The following PPP4R3B variants were observed in gnomAD, a reference collection of about 807,000 sequenced individuals.
PPP4R3B encodes protein phosphatase 4 regulatory subunit 3B.
In PPP4R3B, 52 loss-of-function variants were observed where a neutral mutation model predicts 95.4. The ratio of observed to expected loss-of-function variants is 0.54; its 90% CI spans 0.44 to 0.69. PPP4R3B has a LOEUF of 0.69. Among genes scored for constraint, PPP4R3B ranks in the 30% least tolerant of loss-of-function variants. The pLI is 0.00. For synonymous variants in PPP4R3B, 407 were observed against 343.9 expected, an observed-to-expected ratio of 1.18 and a Z score of -2.03; for missense variants, 1,003 against 1,005.9, an observed-to-expected ratio of 1.00 and a Z score of 0.04.
chr2:55,592,696 T>G (rs1691203697), intron 4 of PPP4R3B, among the ~76,000 whole-genome samples: 1 of 152,162 alleles, frequency 6.6e-6, no homozygotes, highest in African/African-American at 2.4e-5. Context: ...ACCTATGGAA[T>G]AGCAGAAATA....
rs1006173248 is a variant in PPP4R3B at position 55,607,832 on chromosome 2, G to A, written c.199-3756C>T. 2.0e-5 allele frequency among the ~76,000 whole-genome samples: 3 copies of A among 152,152 alleles called. No homozygotes were observed. In the South Asian group the frequency reaches 6.2e-4, roughly 32 times the overall value. ...TATAGATAGTACTATCTACAGTCAGGTCAATGGATATTACTAACAGAATGA... is the reference window on the plus strand; with the variant it reads ...TATAGATAGTACTATCTACAGTCAGATCAATGGATATTACTAACAGAATGA... On this transcript the variant is annotated intron_variant, in intron 2 of 16. Transcript: ENST00000616407.
chr2:55,561,645 T>A, intron 15 of PPP4R3B, among the ~76,000 whole-genome samples: 1 of 152,140 alleles, frequency 6.6e-6, no homozygotes. Context: ...AAACATGGAG[T>A]CAAAGGAGAT....
At chr2:55,594,641 G>T (rs1559023315) in intron 4 of PPP4R3B, among the ~76,000 whole-genome samples, 1 of 152,156 alleles carries the variant, frequency 6.6e-6, no homozygotes, top group Non-Finnish European at 1.5e-5. Flanking sequence ...TCATTTGAAA[G>T]CTACATATGA....
At chr2:55,578,626 A>G (rs916356874) in intron 9 of PPP4R3B, among the ~76,000 whole-genome samples, 1 of 152,078 alleles carries the variant, frequency 6.6e-6, no homozygotes, top group Non-Finnish European at 1.5e-5. Flanking sequence ...TGAAAAAAAC[A>G]TATTTTATTC....
At chr2:55,567,241 T>C (rs1283361757) in intron 13 of PPP4R3B, among the ~76,000 whole-genome samples, 2 of 152,310 alleles carry the variant, frequency 1.3e-5, no homozygotes, top group East Asian at 3.9e-4. Context: ...CTGGTCCTGA[T>C]TGTGCTACTA....
intron 4 of PPP4R3B, among the ~76,000 whole-genome samples, chr2:55,595,753 A>C (rs995702704): frequency 4.6e-5 from 7 of 151,586 alleles, no homozygotes; most frequent in Non-Finnish European, 7.4e-5. Flanking sequence ...AAAAAAAAAA[A>C]ACACAGCCTC....
rs140755079 is a variant in PPP4R3B, at chr2:55,581,607, C to T, written c.1325G>A (p.Arg442His). The T allele has an allele frequency of 2.5e-6, 4 of 1,613,366 alleles. No individual in the cohort carries two copies. Among genetic ancestry groups the T allele is most frequent in the African/African-American group, 2.7e-5 (2 of 74,946 alleles). Reference protein sequence around the residue: ...GGAVQLMGLLRTLIDPENMLA... With the variant: ...GGAVQLMGLLHTLIDPENMLA... ...CATGTTCTCTGGATCAATTAGAGTA[C>T]GAAGAAGTCCCATTAACTGAACAGC... Residue 442 changes from arginine (R) to histidine (H), a missense_variant, in exon 8 of 17, where the codon CGT becomes CAT. Arg to His is a conservative substitution (Grantham distance 29). Around this residue, in one of 3 missense-constraint regions of PPP4R3B, gnomAD observed 695 missense variants for 686.2 expected, o/e 1.01. Coordinates refer to ENST00000616407, the MANE Select transcript of PPP4R3B (RefSeq NM_001122964.3).
intron 4 of PPP4R3B, among the ~76,000 whole-genome samples, chr2:55,590,470 T>C (rs751563285): frequency 9.9e-5 from 15 of 152,168 alleles, no homozygotes; most frequent in East Asian, 9.6e-4. Context: ...TAATTGGTGA[T>C]AGGTTATGAG....
intron 15 of PPP4R3B, among the ~76,000 whole-genome samples, chr2:55,560,857 G>A (rs1035968671): frequency 3.4e-5 from 5 of 147,332 alleles, no homozygotes; most frequent in Admixed American, 6.8e-5. Context: ...TATGCATGAA[G>A]AAAGAGATGG....
chr2:55,568,785 G>A (rs1687617782), intron 12 of PPP4R3B, among the ~76,000 whole-genome samples: 1 of 152,196 alleles, frequency 6.6e-6, no homozygotes, highest in Admixed American at 6.5e-5. Context: ...ATCAGTGGGG[G>A]CACTGTCATT....
At chr2:55,571,402 G>C (rs1165564019) in intron 12 of PPP4R3B, among the ~76,000 whole-genome samples, 2 of 151,946 alleles carry the variant, frequency 1.3e-5, no homozygotes, top group Non-Finnish European at 2.9e-5. Flanking sequence ...GAGCCAAATA[G>C]GAAAATCTGT....
At chr2:55,555,820 T>C (rs146688115) in intron 16 of PPP4R3B, among the ~76,000 whole-genome samples, 48 of 152,326 alleles carry the variant, frequency 3.2e-4, no homozygotes, top group African/African-American at 1.1e-3. Flanking sequence ...CTCACCAAGA[T>C]AAATTTGCTA....
Position 55,573,817 on chromosome 2 carries a change from A to G in PPP4R3B, c.1607-40T>C, listed in dbSNP as rs151332137. The G allele has an allele frequency of 1.1e-4, 140 of 1,283,878 alleles. 2 individuals carry two copies. In the East Asian group the frequency reaches 3.2e-3, roughly 29 times the overall value. 79.5% of individuals were successfully genotyped at this position (1,283,878 alleles called of 1,614,324 possible). ...AATCTCATGAAAATAAATATTGAAT[A>G]TATCTAAATAAAGAATAAATAAAGC... is the stretch of plus-strand genomic sequence containing the variant. On this transcript the variant is annotated intron_variant, in intron 11 of 16. Transcript: ENST00000616407.
intron 4 of PPP4R3B, among the ~76,000 whole-genome samples, chr2:55,592,436 GT>G: frequency 1.3e-5 from 2 of 152,032 alleles, no homozygotes; most frequent in African/African-American, 4.8e-5. Context: ...GCCAAATCTA[GT>G]AAGATAAAAT....
chr2:55,576,306 C>T (rs1688653011), intron 11 of PPP4R3B, among the ~76,000 whole-genome samples: 4 of 151,992 alleles, frequency 2.6e-5, no homozygotes. Flanking sequence ...CGAAATTGTG[C>T]CACTGCACTC....
At chr2:55,591,493 G>C in intron 4 of PPP4R3B, 1 of 977,330 alleles carries the variant, frequency 1.0e-6, no homozygotes, top group Non-Finnish European at 1.2e-6. Context: ...GGGTGAGTAA[G>C]TACATATTTA....
chr2:55,597,623 AAAACAAAC>A (rs113216757), intron 4 of PPP4R3B, among the ~76,000 whole-genome samples: 2 of 148,888 alleles, frequency 1.3e-5, no homozygotes, highest in South Asian at 2.1e-4. Flanking sequence ...CTCCGTCTCA[AAAACAAAC>A]AAACAAACAA....
intron 10 of PPP4R3B, 70 bp downstream of exon 10, chr2:55,578,177 A>G (rs998187987): frequency 2.4e-6 from 3 of 1,248,238 alleles, no homozygotes; most frequent in Non-Finnish European, 2.0e-6. Flanking sequence ...AACAAGAAAA[A>G]TAATACCGTA....
chr2:55,578,405 A>G (rs1688985708), intron 9 of PPP4R3B, 63 bp from the exon 10 acceptor site: 6 of 1,215,442 alleles, frequency 4.9e-6, no homozygotes, highest in Non-Finnish European at 6.3e-6. Context: ...AGTGTCTGTT[A>G]TATTATTATC....
Sources: gnomAD v4.1 joint callset for allele counts (sites outside exome capture counted in the v4.1 genomes callset) on GRCh38, gnomAD v4.1.1 for gene constraint, gnomAD v4.1.1 regional missense constraint, MANE v1.5 for transcripts, NCBI Gene and HGNC (gene_info 2026-07-23, HGNC 2026-07-21) for gene names.